The following PLXDC1 variants were observed in gnomAD, a reference collection of about 807,000 sequenced individuals.
PLXDC1 encodes the protein plexin domain-containing protein 1.
In PLXDC1, 39 loss-of-function variants were observed where a neutral mutation model predicts 61.3. The ratio of observed to expected loss-of-function variants is 0.64; its 90% confidence interval spans 0.49 to 0.83. The LOEUF is 0.83. Ranked by LOEUF, PLXDC1 falls within the 40% of genes least tolerant of loss-of-function variation. The probability of loss-of-function intolerance (pLI) is 0.00; values close to 1 mark genes in which losing one functional copy is unlikely to be tolerated. For missense variants in PLXDC1, 596 were observed against 666.5 expected, an observed-to-expected ratio of 0.89 and a Z score of 1.17; for synonymous variants, 212 against 254.5, an observed-to-expected ratio of 0.83 and a Z score of 1.59.
At chr17:39,098,452 C>T (rs574583507) in intron 7 of PLXDC1, among the ~76,000 whole-genome samples, 41 of 152,250 alleles carry the variant, frequency 2.7e-4, no homozygotes, top group African/African-American at 8.9e-4. Context: ...CAACTAGGTC[C>T]ACTTTCTTGT....
In PLXDC1 at chr17:39,063,521, G is replaced by A. The variant is rs781073291; in HGVS notation, c.*4319C>T. 32 of 702,786 alleles carry A rather than the reference G, an allele frequency of 4.6e-5. 1 individual carries two copies. Among genetic ancestry groups the A allele is most frequent in the East Asian group, 1.3e-4 (5 of 37,306 alleles). 43.5% of individuals were successfully genotyped at this position (702,786 alleles called of 1,614,324 possible). ...ACAGTCATGTCTCAGCGAAGAAGTC[G>A]GAGTTCAGCAGCCATCAGAACCAAG... On this transcript the variant is annotated 3_prime_UTR_variant, in exon 14 of 14. Transcript: ENST00000315392.
intron 9 of PLXDC1, among the ~76,000 whole-genome samples, chr17:39,082,829 AGAG>A (rs1909612037): frequency 6.6e-6 from 1 of 152,210 alleles, no homozygotes; most frequent in African/African-American, 2.4e-5. Flanking sequence ...AAGGAGTGGA[AGAG>A]GAGATGGATT....
At chr17:39,070,117 CAG>C in intron 12 of PLXDC1, 101 bp from the exon 13 acceptor site, 1 of 850,662 alleles carries the variant, frequency 1.2e-6, no homozygotes, top group Non-Finnish European at 1.8e-6. Context: ...TGAAAGCCGA[CAG>C]AGCCTTTGGG....
chr17:39,128,089 C>CTGTGTATATATATA (rs1911375209), intron 2 of PLXDC1, among the ~76,000 whole-genome samples: 8 of 68,800 alleles, frequency 1.2e-4, no homozygotes, highest in East Asian at 1.1e-3. Context: ...CTCTCTCTCT[C>CTGTGTATATATATA]TCTATGTGTA....
chr17:39,079,549 A>G, intron 9 of PLXDC1: 1 of 457,908 alleles, frequency 2.2e-6, no homozygotes, highest in South Asian at 1.5e-5. Context: ...GAAAGAGAGT[A>G]GGGCTAAAGG....
chr17:39,109,658 C>T (rs528804702), intron 2 of PLXDC1, among the ~76,000 whole-genome samples: 14 of 152,332 alleles, frequency 9.2e-5, no homozygotes, highest in Non-Finnish European at 1.8e-4. Flanking sequence ...GCTCAGCCCT[C>T]CTGTTCCCAG....
At position 39,135,487 on chromosome 17, in the gene PLXDC1, G is replaced by A. The variant is rs574619737; in HGVS notation, c.255+4167C>T. ...AGGTCAGGATTCTGAGACCAGCCTG[G>A]CCAACATGGTGAAACCCCATCTCTA... is the stretch of plus-strand genomic sequence containing the variant. On this transcript the variant is annotated intron_variant, in intron 2 of 13. Transcript: ENST00000315392. 9.1e-4 allele frequency among the ~76,000 whole-genome samples: 138 copies of A among 152,100 alleles called. 1 individual carries two copies. The highest frequency in any genetic ancestry group is 8.0e-3 in the Admixed American group (122 of 15,274).
At chr17:39,096,879 T>G (rs1266763796) in intron 7 of PLXDC1, 1 of 471,042 alleles carries the variant, frequency 2.1e-6, no homozygotes, top group African/African-American at 2.0e-5. Context: ...GGATACACTG[T>G]CCTGTGTGTT....
At chr17:39,102,197 C>T (rs1410739377) in intron 7 of PLXDC1, among the ~76,000 whole-genome samples, 1 of 152,126 alleles carries the variant, frequency 6.6e-6, no homozygotes, top group Non-Finnish European at 1.5e-5. Flanking sequence ...AAGCCAGGCA[C>T]AGTGCCTGGT....
intron 1 of PLXDC1, chr17:39,144,629 C>T (rs780096172): frequency 1.3e-5 from 2 of 152,298 alleles, no homozygotes; most frequent in Admixed American, 6.5e-5. Context: ...CTGAAAGCCT[C>T]GGCCTTCCCG....
intron 7 of PLXDC1, among the ~76,000 whole-genome samples, chr17:39,091,593 C>T (rs1050152948): frequency 6.6e-6 from 1 of 152,060 alleles, no homozygotes; most frequent in East Asian, 1.9e-4. Context: ...GCGAGCACTG[C>T]GCAGGTGTGG....
chr17:39,134,449 A>C (rs1464366466), intron 2 of PLXDC1, among the ~76,000 whole-genome samples: 1 of 150,370 alleles, frequency 6.7e-6, no homozygotes, highest in East Asian at 2.0e-4. Context: ...AACACAGTGA[A>C]AGCCCGTCTC....
chr17:39,092,315 C>T lies in PLXDC1; in HGVS notation c.812-4613G>A, dbSNP rs141085386. 8.7e-3 allele frequency among the ~76,000 whole-genome samples: 1,328 copies of T among 152,182 alleles called. 24 individuals are homozygous for T. The highest frequency in any genetic ancestry group is 0.03 in the African/African-American group (1,237 of 41,534). On this transcript the variant is annotated intron_variant, in intron 7 of 13. Coordinates refer to ENST00000315392, the MANE Select transcript of PLXDC1 (RefSeq NM_020405.5). The stretch of plus-strand genomic sequence containing the variant: ...TCTCCAACTCCCGGGCTCAAGCAAT[C>T]TGCCTGCCTCAGCCTCCCAAAGCGC...
chr17:39,072,534 C>G lies in PLXDC1; in HGVS notation c.1187-49G>C, dbSNP rs199680809. 246 of 1,165,980 alleles carry G rather than the reference C, an allele frequency of 2.1e-4. 5 individuals are homozygous for G. The East Asian group carries it at 2.8e-3, about 13-fold the overall frequency. 72.2% of individuals were successfully genotyped at this position (1,165,980 alleles called of 1,614,324 possible). On this transcript the variant is annotated intron_variant, in intron 11 of 13. Coordinates refer to ENST00000315392, the MANE Select transcript of PLXDC1 (RefSeq NM_020405.5). ...AGCAAGATTAGTGGAATCATTACAG[C>G]CTTTGTCACTCTGAGTCCAGATGGG... is the stretch of plus-strand genomic sequence containing the variant.
At chr17:39,122,415 C>A (rs1396530617) in intron 2 of PLXDC1, among the ~76,000 whole-genome samples, 1 of 145,280 alleles carries the variant, frequency 6.9e-6, no homozygotes, top group Non-Finnish European at 1.5e-5. Context: ...GACTGGGGTG[C>A]CCTCTCTCTG....
At chr17:39,148,325 T>C (rs2045353975) in intron 1 of PLXDC1, among the ~76,000 whole-genome samples, 1 of 152,148 alleles carries the variant, frequency 6.6e-6, no homozygotes, top group African/African-American at 2.4e-5. Context: ...TGCCTCAGCC[T>C]TCCGAGTACC....
chr17:39,084,646 G>C (rs1169318650), intron 8 of PLXDC1, among the ~76,000 whole-genome samples: 2 of 152,214 alleles, frequency 1.3e-5, no homozygotes, highest in African/African-American at 4.8e-5. Flanking sequence ...GCAGCAGCCA[G>C]AACTGCTACC....
chr17:39,148,348 C>T (rs996891157), intron 1 of PLXDC1, among the ~76,000 whole-genome samples: 6 of 152,068 alleles, frequency 3.9e-5, no homozygotes, highest in Admixed American at 1.3e-4. Context: ...GGACTACAGG[C>T]GCACACCGCC....
At chr17:39,147,489 G>T (rs952660199) in intron 1 of PLXDC1, among the ~76,000 whole-genome samples, 5 of 152,152 alleles carry the variant, frequency 3.3e-5, no homozygotes, top group African/African-American at 9.7e-5. Context: ...CTTTCAGAGG[G>T]GCCAGGGAAG....
Sources: allele counts gnomAD v4.1 joint callset (sites outside exome capture counted in the v4.1 genomes callset), GRCh38; gene constraint gnomAD v4.1.1; transcripts MANE v1.5; gene names NCBI Gene and HGNC (gene_info 2026-07-23, HGNC 2026-07-21).